The following ALDH4A1 variants were observed in gnomAD, a reference collection of about 807,000 sequenced individuals.
The protein encoded by ALDH4A1 is delta-1-pyrroline-5-carboxylate dehydrogenase, mitochondrial.
ALDH4A1 carries 46 observed loss-of-function variants against 70.5 expected under a neutral mutation model. The observed-to-expected ratio is 0.65, with a 90% confidence interval of 0.51 to 0.83. The LOEUF is 0.83. ALDH4A1 is among the 40% of genes least tolerant of loss of function. ALDH4A1 has a pLI of 0.00. For synonymous variants in ALDH4A1, 323 were observed against 324.3 expected (o/e 1.00, Z 0.04); for missense variants, 749 against 766.5 (o/e 0.98, Z 0.27).
At chr1:18,879,252 G>A (rs1934863876) in intron 9 of ALDH4A1, 48 bp downstream of exon 9, 1 of 1,531,872 alleles carries the variant, frequency 6.5e-7, no homozygotes, top group Non-Finnish European at 8.9e-7. Flanking sequence ...ATGGCCAGGG[G>A]AGGGGTCCCT....
At chr1:18,879,483 A>G (rs1934876374) in intron 8 of ALDH4A1, 110 bp from the exon 9 acceptor site, 1 of 951,322 alleles carries the variant, frequency 1.1e-6, no homozygotes, top group African/African-American at 1.6e-5. Flanking sequence ...GGTGGGAGCC[A>G]AGTCGGGGAT....
intron 1 of ALDH4A1, among the ~76,000 whole-genome samples, chr1:18,896,254 C>T (rs1935612339): frequency 6.6e-6 from 1 of 152,148 alleles, no homozygotes; most frequent in African/African-American, 2.4e-5. Flanking sequence ...CCAGGCACCC[C>T]AAGCCTAACA....
chr1:18,884,251 T>G (rs1200317986), intron 5 of ALDH4A1, among the ~76,000 whole-genome samples: 1 of 152,200 alleles, frequency 6.6e-6, no homozygotes, highest in Admixed American at 6.5e-5. Context: ...CCCAGAGGGC[T>G]GCTGAGCCAA....
rs544734482 is a variant in ALDH4A1 at position 18,890,693 on chromosome 1, C to T, written c.63-588G>A. On this transcript the variant is annotated intron_variant, in intron 1 of 14. Transcript: ENST00000375341. Reference sequence around the variant, plus strand: ...AGTAAGAATAATCGCACCGAACTCACGCGGTTGTTTGAAGTTTAAACACAC... The same window carrying T: ...AGTAAGAATAATCGCACCGAACTCATGCGGTTGTTTGAAGTTTAAACACAC... 1.0e-4 allele frequency: 99 copies of T among 985,546 alleles called. No homozygotes were observed. In the South Asian group the frequency reaches 4.1e-3, roughly 41 times the overall value. 61.1% of individuals were successfully genotyped at this position (985,546 alleles called of 1,614,324 possible).
intron 5 of ALDH4A1, among the ~76,000 whole-genome samples, chr1:18,884,339 G>A (rs1023765003): frequency 2.6e-5 from 4 of 152,004 alleles, no homozygotes; most frequent in East Asian, 3.9e-4. Flanking sequence ...CATGGGGACC[G>A]AGGAGCAGGC....
chr1:18,885,427 T>TGCCCACC, intron 5 of ALDH4A1, 46 bp downstream of exon 5: 1 of 650,922 alleles, frequency 1.5e-6, no homozygotes, highest in Non-Finnish European at 2.7e-6. Context: ...CACACCTGAC[T>TGCCCACC]CCCACCCCAC....
chr1:18,897,880 G>T (rs780841140), intron 1 of ALDH4A1, among the ~76,000 whole-genome samples: 3 of 152,176 alleles, frequency 2.0e-5, no homozygotes, highest in Non-Finnish European at 4.4e-5. Context: ...AGGTCACTCA[G>T]CTGTCCACTG....
At chr1:18,886,769 C>G (rs1215862872) in intron 3 of ALDH4A1, among the ~76,000 whole-genome samples, 1 of 152,120 alleles carries the variant, frequency 6.6e-6, no homozygotes, top group Non-Finnish European at 1.5e-5. Context: ...AGGCATAGAC[C>G]CCAGGGTCTT....
At chr1:18,875,315 A>G (rs890914783) in intron 13 of ALDH4A1, 67 bp downstream of exon 13, 43 of 1,611,436 alleles carry the variant, frequency 2.7e-5, no homozygotes, top group Middle Eastern at 3.7e-4. Context: ...CACGTCCAGG[A>G]GGTGGGGATG....
Position 18,890,053 on chromosome 1 carries a change from C to T in ALDH4A1, c.115G>A (p.Ala39Thr). The T allele has an allele frequency of 6.2e-7, 1 of 1,613,150 alleles. No individual in the cohort carries two copies. The highest frequency in any genetic ancestry group is 1.1e-5 in the South Asian group (1 of 90,824). Residue 39 changes from alanine (A) to threonine (T), a missense_variant, in exon 2 of 15, where the codon GCC (alanine) becomes ACC (threonine). Physicochemically the swap from Ala to Thr is moderately conservative, Grantham distance 58. Coordinates refer to ENST00000375341, the MANE Select transcript of ALDH4A1 (RefSeq NM_003748.4). ...SLKVANEPVL[A>T]FTQGSPERDA... ...CGCTCAGGGCTGCCCTGCGTGAAGG[C>T]TAAGACGGGCTCGTTGGCCACCTTC...
Position 18,889,383 on chromosome 1 carries a change from C to G in ALDH4A1, c.228G>C (p.Ser76=). ...ATACCGACACTTGGTACTGCACGTCCGACGTCCACACCTCCTCATCCCCCA... is the reference window on the plus strand; with the variant it reads ...ATACCGACACTTGGTACTGCACGTCGGACGTCCACACCTCCTCATCCCCCA... ...CVVGDEEVWT[S]DVQYQVSPFN... Residue 76 remains serine, a synonymous_variant, in exon 3 of 15, where the codon TCG becomes TCC. Coordinates refer to ENST00000375341, the MANE Select transcript of ALDH4A1 (RefSeq NM_003748.4). 1 of 1,552,612 alleles carries G rather than the reference C, an allele frequency of 6.4e-7. No homozygotes were observed. Among genetic ancestry groups the G allele is most frequent in the Middle Eastern group, 1.7e-4 (1 of 5,992 alleles).
rs1176899578 is a variant in ALDH4A1, at chr1:18,902,513, G to C, written c.11C>G (p.Pro4Arg). 11 of 1,481,656 alleles carry C rather than the reference G, an allele frequency of 7.4e-6. No individual in the cohort carries two copies. Among genetic ancestry groups the C allele is most frequent in the Admixed American group, 2.2e-5 (1 of 46,236 alleles). 91.8% of individuals were successfully genotyped at this position (1,481,656 alleles called of 1,614,324 possible). Residue 4 changes from proline (P) to arginine (R), a missense_variant, in exon 1 of 15, where the codon CCG becomes CGG. By Grantham distance (103) the Pro-to-Arg change is moderately radical. Coordinates refer to ENST00000375341, the MANE Select transcript of ALDH4A1 (RefSeq NM_003748.4). ...CAGGGCGCGGCGGAGCGCGGGCGCC[G>C]GCAGCAGCATCTCGGGTTAGAAGCG... MLL[P>R]APALRRALLS...
In ALDH4A1 at chr1:18,886,498, C is replaced by G; in HGVS notation, c.263G>C (p.Gly88Ala). The G allele has an allele frequency of 1.2e-6, 2 of 1,614,142 alleles. No homozygotes were observed. The highest frequency in any genetic ancestry group is 1.7e-6 in the Non-Finnish European group (2 of 1,180,030). Residue 88 changes from glycine to alanine, a missense_variant, in exon 4 of 15, where the codon GGA becomes GCA. Coordinates refer to ENST00000375341, the MANE Select transcript of ALDH4A1 (RefSeq NM_003748.4). The part of the protein sequence containing the change: ...VQYQVSPFNH[G>A]HKVAKFCYAD... The stretch of plus-strand genomic sequence containing the variant: ...ATAACAGAACTTGGCCACCTTATGT[C>G]CATGGTTAAAAGGCTGAAAGGAGAG...
At chr1:18,876,607 G>C (rs1299882274) in intron 11 of ALDH4A1, 140 bp from the exon 12 acceptor site, 7 of 942,892 alleles carry the variant, frequency 7.4e-6, no homozygotes, top group Non-Finnish European at 1.1e-5. Flanking sequence ...GGACGCCAAG[G>C]GCAAAAGCCA....
chr1:18,883,137 G>C lies in ALDH4A1; in HGVS notation c.665C>G (p.Ala222Gly), dbSNP rs1339003841. 1 of 1,613,132 alleles carries C rather than the reference G, an allele frequency of 6.2e-7. No individual in the cohort carries two copies. The highest frequency in any genetic ancestry group is 8.5e-7 in the Non-Finnish European group (1 of 1,180,036). ...FTAIGGNLAG[A>G]PALMGNVVLW... ...CCCACATCTCACCATCAGGGCCGGTGCCCCCGCCAGGTTGCCGCCGATTGC... is the reference window on the plus strand; with the variant it reads ...CCCACATCTCACCATCAGGGCCGGTCCCCCCGCCAGGTTGCCGCCGATTGC... The change falls in exon 7 of 15, where the codon GCA becomes GGA. Residue 222 changes from alanine to glycine, a missense_variant. Transcript: ENST00000375341.
chr1:18,890,520 C>G (rs890103793), intron 1 of ALDH4A1, among the ~76,000 whole-genome samples: 1 of 152,132 alleles, frequency 6.6e-6, no homozygotes, highest in Non-Finnish European at 1.5e-5. Context: ...GCACTCCAGC[C>G]TGGGTGAGAG....
intron 1 of ALDH4A1, among the ~76,000 whole-genome samples, chr1:18,900,549 T>A (rs918763344): frequency 6.6e-6 from 1 of 152,190 alleles, no homozygotes; most frequent in Admixed American, 6.5e-5. Context: ...GGGGTGCCCC[T>A]GACATGCAGC....
intron 5 of ALDH4A1, 37 bp downstream of exon 5, chr1:18,885,436 A>ACCC: frequency 5.2e-6 from 2 of 386,872 alleles, no homozygotes; most frequent in South Asian, 6.7e-5. Flanking sequence ...CTCCCACCCC[A>ACCC]CCCCGCCCCA....
chr1:18,885,618 T>C lies in ALDH4A1; in HGVS notation c.308A>G (p.Asn103Ser), dbSNP rs761377015. 3.7e-6 allele frequency: 6 copies of C among 1,614,002 alleles called. No individual in the cohort carries two copies. Among genetic ancestry groups the C allele is most frequent in the South Asian group, 1.1e-5 (1 of 91,060 alleles). Reference protein sequence around the residue: ...KFCYADKSLLNKAIEAALAAR... With the variant: ...KFCYADKSLLSKAIEAALAAR... Reference sequence around the variant, plus strand: ...AGCCAGGGCAGCCTCAATGGCTTTGTTGAGCAGGCTCTAAAGGGAGAGGGA... The same window carrying C: ...AGCCAGGGCAGCCTCAATGGCTTTGCTGAGCAGGCTCTAAAGGGAGAGGGA... Residue 103 changes from asparagine (N) to serine (S), a missense_variant, in exon 5 of 15, where the codon AAC becomes AGC. Transcript: ENST00000375341.
Sources: gnomAD v4.1 joint callset for allele counts (sites outside exome capture counted in the v4.1 genomes callset) on GRCh38, gnomAD v4.1.1 for gene constraint, MANE v1.5 for transcripts, NCBI Gene and HGNC (gene_info 2026-07-23, HGNC 2026-07-21) for gene names.